The following FTO variants were observed in gnomAD, a reference collection of about 807,000 sequenced individuals.
The protein encoded by FTO is FTO alpha-ketoglutarate dependent dioxygenase.
Under a neutral mutation model 63.9 loss-of-function variants are expected in FTO, and 47 were observed. The ratio of observed to expected loss-of-function variants is 0.74; its 90% confidence interval spans 0.58 to 0.94. The LOEUF is 0.94. FTO is among the 40% of genes least tolerant of loss of function. The probability of loss-of-function intolerance (pLI) is 0.00; values close to 1 mark genes in which losing one functional copy is unlikely to be tolerated. For missense variants in FTO, 562 were observed against 618.1 expected, an observed-to-expected ratio of 0.91 and a Z score of 0.96; for synonymous variants, 207 against 224.4, an observed-to-expected ratio of 0.92 and a Z score of 0.69.
intron 8 of FTO, among the ~76,000 whole-genome samples, chr16:54,089,894 C>T (rs1346578654): frequency 2.0e-5 from 3 of 151,452 alleles, no homozygotes. Flanking sequence ...AATAACAAGG[C>T]AAGCATGTGG....
At chr16:53,802,622 C>A (rs2078256810) in intron 1 of FTO, among the ~76,000 whole-genome samples, 1 of 151,984 alleles carries the variant, frequency 6.6e-6, no homozygotes, top group South Asian at 2.1e-4. Flanking sequence ...AATATTTGGC[C>A]ACTTCTTTTT....
chr16:54,032,494 G>C (rs2084854307), intron 8 of FTO, among the ~76,000 whole-genome samples: 1 of 152,072 alleles, frequency 6.6e-6, no homozygotes, highest in Admixed American at 6.5e-5. Context: ...TTCCCCAAAG[G>C]ACTACTTAGA....
rs376396082 is a variant in FTO, at chr16:53,772,630, A to G, written c.46-37510A>G. Among the ~76,000 whole-genome samples the G allele has an allele frequency of 2.3e-4, 35 of 152,262 alleles. No homozygotes were observed. In the East Asian group the frequency reaches 6.2e-3, roughly 27 times the overall value. On this transcript the variant is annotated intron_variant, in intron 1 of 8. Coordinates refer to ENST00000471389, the MANE Select transcript of FTO (RefSeq NM_001080432.3). ...ATACCACACCTCTTTTCACTAGACCATTAGCTTGAGGAAGACATGGATTTC... is the reference window on the plus strand; with the variant it reads ...ATACCACACCTCTTTTCACTAGACCGTTAGCTTGAGGAAGACATGGATTTC...
intron 2 of FTO, among the ~76,000 whole-genome samples, chr16:53,811,000 C>A (rs1048802903): frequency 2.6e-5 from 4 of 152,094 alleles, no homozygotes; most frequent in African/African-American, 9.7e-5. Context: ...TCAAATTATC[C>A]AGGAAGTAAT....
At chr16:53,706,473 T>C (rs978099069) in intron 1 of FTO, among the ~76,000 whole-genome samples, 1 of 152,210 alleles carries the variant, frequency 6.6e-6, no homozygotes, top group Non-Finnish European at 1.5e-5. Flanking sequence ...GATATGTTTT[T>C]TGTCTCTGTA....
At chr16:53,753,381 A>T (rs1017551942) in intron 1 of FTO, among the ~76,000 whole-genome samples, 1 of 151,806 alleles carries the variant, frequency 6.6e-6, no homozygotes, top group African/African-American at 2.4e-5. Flanking sequence ...TATAGGATTT[A>T]TAGCTGCTCC....
chr16:53,790,961 GAGA>G (rs966408126), intron 1 of FTO, among the ~76,000 whole-genome samples: 3 of 152,170 alleles, frequency 2.0e-5, no homozygotes, highest in Non-Finnish European at 4.4e-5. Flanking sequence ...AACAGAGACA[GAGA>G]AGAAGGGAGC....
At chr16:53,857,410 CCTA>C (rs1229243929) in intron 4 of FTO, among the ~76,000 whole-genome samples, 3 of 151,808 alleles carry the variant, frequency 2.0e-5, no homozygotes. Context: ...ACTTATGTCA[CCTA>C]CTACTACTAA....
At chr16:53,975,265 T>C (rs931314104) in intron 8 of FTO, among the ~76,000 whole-genome samples, 4 of 151,972 alleles carry the variant, frequency 2.6e-5, no homozygotes, top group Non-Finnish European at 5.9e-5. Flanking sequence ...AAGGTTGTTA[T>C]ATTCATAACA....
chr16:53,736,640 C>A (rs1333484603), intron 1 of FTO, among the ~76,000 whole-genome samples: 1 of 152,190 alleles, frequency 6.6e-6, no homozygotes, highest in Admixed American at 6.5e-5. Flanking sequence ...TCCCCAACAT[C>A]CTCTCTTTTT....
At chr16:54,085,233 C>T (rs542027119) in intron 8 of FTO, among the ~76,000 whole-genome samples, 4 of 152,164 alleles carry the variant, frequency 2.6e-5, no homozygotes, top group African/African-American at 9.7e-5. Flanking sequence ...GCTTCTACAG[C>T]GAGATTGCTA....
At chr16:54,010,204 A>G (rs959961575) in intron 8 of FTO, among the ~76,000 whole-genome samples, 4 of 152,144 alleles carry the variant, frequency 2.6e-5, no homozygotes, top group African/African-American at 7.2e-5. Context: ...ACTGGAGGCC[A>G]GGAGTTCAAG....
At chr16:53,759,357 T>C (rs1955669405) in intron 1 of FTO, among the ~76,000 whole-genome samples, 1 of 152,138 alleles carries the variant, frequency 6.6e-6, no homozygotes, top group South Asian at 2.1e-4. Flanking sequence ...CTCTGGGAGT[T>C]ACAGAATGAG....
intron 8 of FTO, chr16:53,998,290 T>C (rs1448022769): frequency 2.0e-5 from 3 of 152,222 alleles, no homozygotes; most frequent in African/African-American, 4.8e-5. Flanking sequence ...AGGAGAATGA[T>C]TGACAAAGTA....
intron 3 of FTO, among the ~76,000 whole-genome samples, chr16:53,843,332 G>T (rs549252648): frequency 6.4e-4 from 97 of 152,198 alleles, no homozygotes; most frequent in Non-Finnish European, 1.2e-3. Flanking sequence ...GAGAGTGTGA[G>T]TGTGCCATTT....
chr16:53,706,407 C>T (rs1358991130), intron 1 of FTO, among the ~76,000 whole-genome samples: 1 of 152,074 alleles, frequency 6.6e-6, no homozygotes, highest in Non-Finnish European at 1.5e-5. Context: ...TCCTAAGTTC[C>T]CTCTCGTTAA....
chr16:54,057,379 A>G (rs1320686763), intron 8 of FTO, among the ~76,000 whole-genome samples: 1 of 152,232 alleles, frequency 6.6e-6, no homozygotes, highest in Non-Finnish European at 1.5e-5. Flanking sequence ...GACTCTTGCC[A>G]GTCTGTCAGT....
chr16:54,026,068 A>C (rs2144182746), intron 8 of FTO, among the ~76,000 whole-genome samples: 1 of 152,334 alleles, frequency 6.6e-6, no homozygotes, highest in East Asian at 1.9e-4. Flanking sequence ...AACTCATATA[A>C]TTAGGCATTT....
intron 2 of FTO, among the ~76,000 whole-genome samples, chr16:53,824,776 C>A (rs565076589): frequency 2.5e-4 from 38 of 152,204 alleles, no homozygotes; most frequent in African/African-American, 9.2e-4. Flanking sequence ...TTTAAGACAG[C>A]CTAAAACTAG....
Sources: allele counts gnomAD v4.1 joint callset (sites outside exome capture counted in the v4.1 genomes callset), GRCh38; gene constraint gnomAD v4.1.1; transcripts MANE v1.5; gene names NCBI Gene and HGNC (gene_info 2026-07-23, HGNC 2026-07-21).